Variants in RORA observed in about 807,000 individuals in gnomAD.
RORA encodes the protein RAR related orphan receptor A.
In RORA, 7 loss-of-function variants were observed where a neutral mutation model predicts 69.5. The observed-to-expected ratio is 0.10, with a 90% CI of 0.06 to 0.19. The LOEUF (loss-of-function observed/expected upper bound fraction) is 0.19. Among genes scored for constraint, RORA ranks in the 10% least tolerant of loss-of-function variants. The pLI is 1.00. For missense variants in RORA, 457 were observed against 663.0 expected (o/e 0.69, Z 3.41); for synonymous variants, 261 against 240.8 (o/e 1.08, Z -0.78).
chr15:60,552,139 G>C (rs1378182328), intron 2 of RORA, among the ~76,000 whole-genome samples: 1 of 152,202 alleles, frequency 6.6e-6, no homozygotes, highest in Non-Finnish European at 1.5e-5. Context: ...AGTTATCAGG[G>C]AGAGAAGGGC....
At chr15:60,567,494 T>A (rs1306145959) in intron 2 of RORA, among the ~76,000 whole-genome samples, 2 of 151,832 alleles carry the variant, frequency 1.3e-5, no homozygotes, top group Non-Finnish European at 2.9e-5. Flanking sequence ...TCATGCAACC[T>A]CCATCTCCCA....
chr15:60,941,833 T>C (rs1892705919), intron 1 of RORA, among the ~76,000 whole-genome samples: 1 of 152,236 alleles, frequency 6.6e-6, no homozygotes. Flanking sequence ...GTTTTAAATG[T>C]TTGCCCTTGA....
intron 1 of RORA, among the ~76,000 whole-genome samples, chr15:61,009,728 T>A (rs1214866604): frequency 6.6e-6 from 1 of 152,208 alleles, no homozygotes; most frequent in African/African-American, 2.4e-5. Context: ...CAAAGCTCTA[T>A]CCTGAGGTAA....
intron 1 of RORA, among the ~76,000 whole-genome samples, chr15:61,132,294 T>C (rs956976075): frequency 3.9e-5 from 6 of 152,146 alleles, no homozygotes; most frequent in African/African-American, 1.4e-4. Flanking sequence ...TTTTTTTATC[T>C]TAACGGATGT....
intron 1 of RORA, among the ~76,000 whole-genome samples, chr15:61,121,473 A>G (rs989567745): frequency 1.3e-5 from 2 of 152,254 alleles, no homozygotes; most frequent in Non-Finnish European, 2.9e-5. Context: ...GCAAAGCAGG[A>G]AGCCTGAAGT....
chr15:61,113,734 T>C (rs1028734186), intron 1 of RORA, among the ~76,000 whole-genome samples: 6 of 152,110 alleles, frequency 3.9e-5, no homozygotes, highest in African/African-American at 1.4e-4. Flanking sequence ...TCCTCACCTT[T>C]TCTTGAGATT....
Position 60,985,626 on chromosome 15 carries a change from C to T in RORA, c.166+243427G>A, listed in dbSNP as rs149713705. On this transcript the variant is annotated intron_variant, in intron 1 of 10. Coordinates refer to ENST00000335670, the MANE Select transcript of RORA (RefSeq NM_134261.3). ...TTTGAGATGGGGTCTCACTCTGTCA[C>T]GAGGCTGGAGTGCAGTGGCACGATC... Among the ~76,000 whole-genome samples the T allele has an allele frequency of 5.7e-3, 729 of 128,868 alleles. 6 individuals are homozygous for T. The highest frequency in any genetic ancestry group is 0.02 in the African/African-American group (687 of 33,698). The allele number at this position is 128,868 out of a possible 152,430, so 84.5% of individuals were successfully genotyped here.
At chr15:60,805,313 G>A (rs1595728618) in intron 1 of RORA, among the ~76,000 whole-genome samples, 1 of 152,172 alleles carries the variant, frequency 6.6e-6, no homozygotes, top group Non-Finnish European at 1.5e-5. Flanking sequence ...CAACAGGGCT[G>A]GGGAATTCAA....
At chr15:61,033,204 A>G (rs1896267519) in intron 1 of RORA, among the ~76,000 whole-genome samples, 1 of 152,302 alleles carries the variant, frequency 6.6e-6, no homozygotes, top group South Asian at 2.1e-4. Context: ...GCTACAAAAC[A>G]AACAGGAGAG....
chr15:60,588,247 A>C (rs544965662), intron 2 of RORA, among the ~76,000 whole-genome samples: 1 of 152,354 alleles, frequency 6.6e-6, no homozygotes, highest in South Asian at 2.1e-4. Flanking sequence ...TGGCTTTAAA[A>C]TTATTAAATA....
intron 1 of RORA, among the ~76,000 whole-genome samples, chr15:60,939,515 C>T (rs1448958973): frequency 6.6e-6 from 1 of 152,190 alleles, no homozygotes; most frequent in East Asian, 1.9e-4. Flanking sequence ...GCCATAGCGG[C>T]CTTAAGTGTT....
intron 2 of RORA, chr15:60,558,149 G>A (rs1311211790): frequency 1.9e-6 from 2 of 1,058,596 alleles, no homozygotes; most frequent in Non-Finnish European, 2.9e-6. Context: ...GGGAAAGGGA[G>A]GCAAACACAA....
intron 2 of RORA, among the ~76,000 whole-genome samples, chr15:60,561,121 G>T (rs1231829167): frequency 7.4e-6 from 1 of 135,046 alleles, no homozygotes; most frequent in Non-Finnish European, 1.5e-5. Flanking sequence ...TCGCTCTGTC[G>T]CCCAGGCTGG....
intron 1 of RORA, among the ~76,000 whole-genome samples, chr15:61,143,168 G>C (rs537990821): frequency 9.9e-5 from 15 of 152,110 alleles, no homozygotes; most frequent in African/African-American, 3.4e-4. Flanking sequence ...CACATAAATA[G>C]CTTATATAAA....
chr15:60,755,507 G>T (rs2071788939), intron 1 of RORA, among the ~76,000 whole-genome samples: 1 of 152,000 alleles, frequency 6.6e-6, no homozygotes, highest in Non-Finnish European at 1.5e-5. Flanking sequence ...CCCAGTAATG[G>T]GATGGCTGGG....
At chr15:61,099,983 G>T (rs1001724905) in intron 1 of RORA, among the ~76,000 whole-genome samples, 2 of 151,890 alleles carry the variant, frequency 1.3e-5, no homozygotes, top group Non-Finnish European at 2.9e-5. Context: ...TTAAAAAGAA[G>T]GAAACAAGTC....
intron 2 of RORA, among the ~76,000 whole-genome samples, chr15:60,588,448 T>TCATCCATCCATC (rs55840229): frequency 0.011 from 1,673 of 150,644 alleles, 21 homozygotes; most frequent in African/African-American, 0.026. Flanking sequence ...GCAAATCTAT[T>TCATCCATCCATC]CATCCATCCA....
chr15:60,978,794 C>A (rs150207182), intron 1 of RORA, among the ~76,000 whole-genome samples: 1 of 152,164 alleles, frequency 6.6e-6, no homozygotes, highest in Admixed American at 6.5e-5. Context: ...CCATTTGACA[C>A]CCTTGTTGAA....
chr15:60,718,577 C>T (rs112475819), intron 1 of RORA, among the ~76,000 whole-genome samples: 3,763 of 152,232 alleles, frequency 0.025, 148 homozygotes, highest in African/African-American at 0.085. Context: ...CTAAATTTGA[C>T]TTTCCTGTCA....
Sources: allele counts gnomAD v4.1 joint callset (sites outside exome capture counted in the v4.1 genomes callset), GRCh38; gene constraint gnomAD v4.1.1; transcripts MANE v1.5; gene names NCBI Gene and HGNC (gene_info 2026-07-23, HGNC 2026-07-21).